The following GALNT18 variants were observed in gnomAD, a reference collection of about 807,000 sequenced individuals.
GALNT18 encodes the protein GalNAc-transferase 18.
GALNT18 carries 44 observed loss-of-function variants against 69.5 expected under a neutral mutation model. The ratio of observed to expected loss-of-function variants is 0.63; its 90% CI spans 0.50 to 0.81. The LOEUF (loss-of-function observed/expected upper bound fraction) is 0.81. Among genes scored for constraint, GALNT18 ranks in the 40% least tolerant of loss-of-function variants. The probability of loss-of-function intolerance (pLI) is 0.00; values close to 1 mark genes in which losing one functional copy is unlikely to be tolerated. For missense variants in GALNT18, 715 were observed against 810.0 expected (o/e 0.88, Z 1.42); for synonymous variants, 364 against 318.2 (o/e 1.14, Z -1.53).
At chr11:11,284,324 G>C (rs1252171716) in intron 10 of GALNT18, among the ~76,000 whole-genome samples, 2 of 152,194 alleles carry the variant, frequency 1.3e-5, no homozygotes, top group Non-Finnish European at 2.9e-5. Context: ...AAGAGTTAGA[G>C]TCACCTGTGG....
chr11:11,566,262 C>T (rs1858649639), intron 1 of GALNT18, among the ~76,000 whole-genome samples: 1 of 152,196 alleles, frequency 6.6e-6, no homozygotes, highest in Non-Finnish European at 1.5e-5. Context: ...TTCAACTCTG[C>T]AGCTGTAGTG....
chr11:11,504,351 T>C (rs1264712247), intron 1 of GALNT18, among the ~76,000 whole-genome samples: 1 of 152,146 alleles, frequency 6.6e-6, no homozygotes, highest in African/African-American at 2.4e-5. Flanking sequence ...TGAATAGCCC[T>C]GGGCACACTC....
In GALNT18 at chr11:11,377,413, C is replaced by T. The variant is rs569840306; in HGVS notation, c.780-34G>A. 2 of 1,603,288 alleles carry T rather than the reference C, an allele frequency of 1.2e-6. No homozygotes were observed. The highest frequency in any genetic ancestry group is 1.7e-5 in the Admixed American group (1 of 59,966). ...AGAGGAGACAGCCAGAGAGGGTAAC[C>T]ATTTCCAAGGTGGAAAAATCCAGAG... On this transcript the variant is annotated intron_variant, in intron 4 of 10. Coordinates refer to ENST00000227756, the MANE Select transcript of GALNT18 (RefSeq NM_198516.3). This position sits in a 1 kb window ranked among gnomAD's most constrained non-coding sequence, Gnocchi z 4.6.
In GALNT18 at chr11:11,617,742, A is replaced by G. The variant is rs1017150399; in HGVS notation, c.235+3617T>C. Among the ~76,000 whole-genome samples the G allele has an allele frequency of 6.6e-6, 1 of 152,204 alleles. No homozygotes were observed. The highest frequency in any genetic ancestry group is 2.4e-5 in the African/African-American group (1 of 41,452). Reference sequence around the variant, plus strand: ...AGAAAGCTATCTTTATTTTTACTGAATTTCCAAAATAAGAACTGAATCAAC... The same window carrying G: ...AGAAAGCTATCTTTATTTTTACTGAGTTTCCAAAATAAGAACTGAATCAAC... On this transcript the variant is annotated intron_variant, in intron 1 of 10. Transcript: ENST00000227756. This position sits in a 1 kb window ranked among gnomAD's most constrained non-coding sequence, Gnocchi z 4.7.
Position 11,610,783 on chromosome 11 carries a change from A to C in GALNT18, c.235+10576T>G, listed in dbSNP as rs114660282. On this transcript the variant is annotated intron_variant, in intron 1 of 10. Transcript: ENST00000227756. The stretch of plus-strand genomic sequence containing the variant: ...AGATTTAGAAGTGGAAGAAACCAAA[A>C]TGTTAAAAGACTCACTTCTCCAAGC... 6.5e-3 allele frequency among the ~76,000 whole-genome samples: 990 copies of C among 152,336 alleles called. 13 individuals carry two copies. The highest frequency in any genetic ancestry group is 0.022 in the African/African-American group (917 of 41,570).
intron 5 of GALNT18, among the ~76,000 whole-genome samples, chr11:11,375,060 C>T (rs72856607): frequency 0.062 from 9,434 of 152,236 alleles, 416 homozygotes; most frequent in Middle Eastern, 0.18. Context: ...GGTCACCTGG[C>T]GACTTAGGGA....
chr11:11,411,451 G>A (rs896412805), intron 3 of GALNT18, among the ~76,000 whole-genome samples: 2 of 152,224 alleles, frequency 1.3e-5, no homozygotes, highest in Non-Finnish European at 2.9e-5. Context: ...GGCTCCCACA[G>A]AATCTAGTAC....
intron 1 of GALNT18, among the ~76,000 whole-genome samples, chr11:11,580,616 T>C (rs1216280917): frequency 6.6e-6 from 1 of 152,246 alleles, no homozygotes; most frequent in Non-Finnish European, 1.5e-5. Flanking sequence ...CTGGAACAGA[T>C]GGGCACTGCC....
chr11:11,447,216 C>G (rs1468187028), intron 2 of GALNT18, among the ~76,000 whole-genome samples: 1 of 152,180 alleles, frequency 6.6e-6, no homozygotes, highest in African/African-American at 2.4e-5. Flanking sequence ...GGTACTCCCC[C>G]CATCCTCCAA....
intron 2 of GALNT18, among the ~76,000 whole-genome samples, chr11:11,438,834 G>A (rs949681488): frequency 1.6e-4 from 24 of 152,002 alleles, no homozygotes; most frequent in African/African-American, 5.6e-4. Context: ...GGACAAATAC[G>A]ATCAACACTA....
intron 1 of GALNT18, among the ~76,000 whole-genome samples, chr11:11,518,714 A>G (rs961873931): frequency 1.3e-5 from 2 of 152,254 alleles, no homozygotes; most frequent in Non-Finnish European, 2.9e-5. Flanking sequence ...TTTCATTAAG[A>G]AAGGATTCTA....
intron 4 of GALNT18, among the ~76,000 whole-genome samples, chr11:11,378,411 C>T (rs920376903): frequency 6.6e-6 from 1 of 152,220 alleles, no homozygotes; most frequent in Non-Finnish European, 1.5e-5. Context: ...AAGTTACACA[C>T]AGCAGGTGGC....
At chr11:11,274,672 G>T (rs1031210671) in intron 10 of GALNT18, among the ~76,000 whole-genome samples, 1 of 152,166 alleles carries the variant, frequency 6.6e-6, no homozygotes, top group Non-Finnish European at 1.5e-5. Context: ...CCTACATTAG[G>T]TATTTCTCCT....
In GALNT18 at chr11:11,587,369, G is replaced by A. The variant is rs937120038; in HGVS notation, c.235+33990C>T. ...CATGATTCCCATGTCAGTACGCCAC[G>A]TATGCTGACCCCATCAGCAAAGCAG... On this transcript the variant is annotated intron_variant, in intron 1 of 10. Transcript: ENST00000227756. This position sits in a 1 kb window ranked among gnomAD's most constrained non-coding sequence, Gnocchi z 4.4. Among the ~76,000 whole-genome samples the A allele has an allele frequency of 5.3e-5, 8 of 152,184 alleles. No homozygotes were observed. Among genetic ancestry groups the A allele is most frequent in the Admixed American group, 2.6e-4 (4 of 15,280 alleles).
chr11:11,331,303 C>T (rs1850013196), intron 8 of GALNT18, among the ~76,000 whole-genome samples: 1 of 152,110 alleles, frequency 6.6e-6, no homozygotes, highest in African/African-American at 2.4e-5. Context: ...GCCATGGGGA[C>T]ACTCATGGGA....
intron 1 of GALNT18, among the ~76,000 whole-genome samples, chr11:11,593,353 C>CT (rs1859407514): frequency 6.6e-6 from 1 of 152,126 alleles, no homozygotes; most frequent in Admixed American, 6.5e-5. Flanking sequence ...ATTCTTGGTA[C>CT]TTTGTCAGCT....
chr11:11,384,042 G>C (rs1487267219), intron 3 of GALNT18, among the ~76,000 whole-genome samples: 3 of 151,942 alleles, frequency 2.0e-5, no homozygotes, highest in Non-Finnish European at 4.4e-5. Context: ...CTTACTATTA[G>C]TCCATTCATG....
At chr11:11,580,406 C>T (rs924075958) in intron 1 of GALNT18, among the ~76,000 whole-genome samples, 5 of 152,186 alleles carry the variant, frequency 3.3e-5, no homozygotes, top group African/African-American at 9.7e-5. Flanking sequence ...CCATGAACAT[C>T]CCAGGCTTCT....
At chr11:11,362,613 G>C (rs1850668624) in intron 6 of GALNT18, among the ~76,000 whole-genome samples, 1 of 152,044 alleles carries the variant, frequency 6.6e-6, no homozygotes, top group Admixed American at 6.6e-5. Flanking sequence ...TAAGAGAAAT[G>C]CAAATTAAAA....
Sources: allele counts gnomAD v4.1 joint callset (sites outside exome capture counted in the v4.1 genomes callset), GRCh38; gene constraint gnomAD v4.1.1; non-coding constraint Gnocchi (gnomAD v3.1); transcripts MANE v1.5; gene names NCBI Gene and HGNC (gene_info 2026-07-23, HGNC 2026-07-21).